The following DNAH11 variants were observed in gnomAD, a reference collection of about 807,000 sequenced individuals.
DNAH11 encodes the protein dynein axonemal heavy chain 11.
Under a neutral mutation model 526.0 loss-of-function variants are expected in DNAH11, and 442 were observed. The observed-to-expected ratio is 0.84, with a 90% confidence interval of 0.78 to 0.91. The LOEUF (loss-of-function observed/expected upper bound fraction) is 0.91, where lower values mean the gene tolerates loss of function less well. DNAH11 is among the 40% of genes least tolerant of loss of function. DNAH11 has a pLI of 0.00. For missense variants in DNAH11, 6,989 were observed against 5,448.7 expected, an observed-to-expected ratio of 1.28 and a Z score of -8.90; for synonymous variants, 2,461 against 1,935.9, an observed-to-expected ratio of 1.27 and a Z score of -7.12.
chr7:21,893,181 T>C (rs1784388650), intron 77 of DNAH11, among the ~76,000 whole-genome samples: 1 of 152,228 alleles, frequency 6.6e-6, no homozygotes, highest in Non-Finnish European at 1.5e-5. Context: ...CATCCATTCA[T>C]ACTACCCATT....
intron 37 of DNAH11, among the ~76,000 whole-genome samples, chr7:21,703,073 T>C (rs1352737591): frequency 6.6e-6 from 1 of 152,242 alleles, no homozygotes; most frequent in Non-Finnish European, 1.5e-5. Flanking sequence ...AATCAAATAA[T>C]TCAGTAATCA....
intron 8 of DNAH11, among the ~76,000 whole-genome samples, chr7:21,574,711 A>C (rs1383274114): frequency 1.4e-5 from 2 of 147,606 alleles, no homozygotes; most frequent in Non-Finnish European, 3.0e-5. Flanking sequence ...TTACAGGGGC[A>C]CACCACCACG....
intron 54 of DNAH11, among the ~76,000 whole-genome samples, chr7:21,761,599 C>A (rs1786916513): frequency 6.6e-6 from 1 of 152,122 alleles, no homozygotes; most frequent in Non-Finnish European, 1.5e-5. Flanking sequence ...TGAGTCCCAC[C>A]TCCAGAGTTT....
intron 54 of DNAH11, among the ~76,000 whole-genome samples, chr7:21,757,735 G>A (rs1786700497): frequency 6.6e-6 from 1 of 152,166 alleles, no homozygotes; most frequent in Admixed American, 6.5e-5. Flanking sequence ...ACAGCGTCAT[G>A]TGCAGGGACC....
intron 14 of DNAH11, among the ~76,000 whole-genome samples, chr7:21,591,794 G>A (rs1404895783): frequency 6.6e-6 from 1 of 152,170 alleles, no homozygotes; most frequent in African/African-American, 2.4e-5. Flanking sequence ...ATTAGAATGT[G>A]AGATGTGTTG....
At chr7:21,797,726 G>C (rs1026367777) in intron 61 of DNAH11, among the ~76,000 whole-genome samples, 9 of 152,168 alleles carry the variant, frequency 5.9e-5, no homozygotes, top group African/African-American at 2.2e-4. Flanking sequence ...TACCAGGTTA[G>C]TACTTATTCC....
At chr7:21,885,171 T>TAAAAA (rs778429337) in intron 76 of DNAH11, among the ~76,000 whole-genome samples, 2 of 114,588 alleles carry the variant, frequency 1.7e-5, no homozygotes, top group Non-Finnish European at 3.3e-5. Flanking sequence ...AAATGAACTA[T>TAAAAA]AAAAAAAAAA....
intron 65 of DNAH11, among the ~76,000 whole-genome samples, chr7:21,839,877 G>A (rs1230463104): frequency 6.6e-6 from 1 of 152,180 alleles, no homozygotes; most frequent in African/African-American, 2.4e-5. Context: ...AGAATTAGAT[G>A]AAGACAATAG....
intron 22 of DNAH11, 42 bp downstream of exon 22, chr7:21,616,334 A>C: frequency 1.3e-6 from 2 of 1,482,112 alleles, no homozygotes; most frequent in Non-Finnish European, 1.9e-6. Context: ...TATCTTTCTC[A>C]GCACCACCTC....
chr7:21,597,210 C>A lies in DNAH11; in HGVS notation c.2668-2577C>A, dbSNP rs569197335. ...CCTTTATCCGAATGTGCTGAAGATA[C>A]AGCATTTCTCATCAATGTGACTGTA... On this transcript the variant is annotated intron_variant, in intron 14 of 81. Coordinates refer to ENST00000409508, the MANE Select transcript of DNAH11 (RefSeq NM_001277115.2). 5.3e-5 allele frequency among the ~76,000 whole-genome samples: 8 copies of A among 152,174 alleles called. No individual in the cohort carries two copies. In the East Asian group the frequency reaches 9.7e-4, roughly 18 times the overall value.
At position 21,631,646 on chromosome 7, in the gene DNAH11, CTCCATGTTTCACA is replaced by C. The variant is rs539041638; in HGVS notation, c.4501-4220_4501-4208del. On this transcript the variant is annotated intron_variant, in intron 25 of 81. Coordinates refer to ENST00000409508, the MANE Select transcript of DNAH11 (RefSeq NM_001277115.2). ...AAAGCTCCAGAATGATCTTCTTTGA[CTCCATGTTTCACA>C]TCCAGGTCACGCTGATGCAAGAGGT... Among the ~76,000 whole-genome samples the C allele has an allele frequency of 4.1e-3, 624 of 152,346 alleles. 13 individuals are homozygous for C. The highest frequency in any genetic ancestry group is 0.031 in the Admixed American group (481 of 15,300).
At chr7:21,866,319 GCA>G in intron 70 of DNAH11, 149 bp from the exon 71 acceptor site, 2 of 417,964 alleles carry the variant, frequency 4.8e-6, no homozygotes, top group Non-Finnish European at 7.6e-6. Context: ...TCTCAGCAGA[GCA>G]AAAAAAAAAA....
In DNAH11 at chr7:21,564,197, G is replaced by A; in HGVS notation, c.994G>A (p.Ala332Thr). The A allele has an allele frequency of 6.3e-7, 1 of 1,576,212 alleles. No homozygotes were observed. Among genetic ancestry groups the A allele is most frequent in the South Asian group, 1.2e-5 (1 of 82,942 alleles). The change falls in exon 6 of 82, where the codon GCC (alanine) becomes ACC (threonine). Residue 332 changes from alanine to threonine, a missense_variant. Coordinates refer to ENST00000409508, the MANE Select transcript of DNAH11 (RefSeq NM_001277115.2). ...TTCTTTGCTTTCAGCTCTTCTCGAAGCCCAAGATGTGGAACTTTACCTGAG... is the reference window on the plus strand; with the variant it reads ...TTCTTTGCTTTCAGCTCTTCTCGAAACCCAAGATGTGGAACTTTACCTGAG... ...FLAVENALLE[A>T]QDVELYLRPL...
Position 21,787,576 on chromosome 7 carries a change from T to G in DNAH11, c.9917T>G (p.Phe3306Cys), listed in dbSNP as rs1224736335. The G allele has an allele frequency of 1.6e-5, 26 of 1,608,982 alleles. No homozygotes were observed. Among genetic ancestry groups the G allele is most frequent in the Non-Finnish European group, 2.0e-5 (23 of 1,177,662 alleles). Residue 3306 changes from phenylalanine to cysteine, a missense_variant, in exon 60 of 82, where the codon TTC becomes TGC. Physicochemically the swap from Phe to Cys is radical, Grantham distance 205 (BLOSUM62 -2). Coordinates refer to ENST00000409508, the MANE Select transcript of DNAH11 (RefSeq NM_001277115.2). ...LCAWVINIIK[F>C]YEVYCDVEPK... ...GCCTGGGTCATCAACATCATTAAAT[T>G]CTATGAGGTATCAATCCTAAATTGA...
chr7:21,743,511 G>T (rs973230595), intron 49 of DNAH11, among the ~76,000 whole-genome samples: 6 of 152,068 alleles, frequency 3.9e-5, no homozygotes, highest in African/African-American at 1.4e-4. Flanking sequence ...GACAGAGGTG[G>T]TATATTGATG....
At chr7:21,807,632 G>A (rs1377384198) in intron 62 of DNAH11, among the ~76,000 whole-genome samples, 3 of 152,178 alleles carry the variant, frequency 2.0e-5, no homozygotes, top group Non-Finnish European at 2.9e-5. Flanking sequence ...GGGATGTCCA[G>A]TGAGAAGAGA....
chr7:21,663,494 T>G lies in DNAH11; in HGVS notation c.5328+4463T>G, dbSNP rs1479275786. Among the ~76,000 whole-genome samples the G allele has an allele frequency of 2.0e-5, 3 of 152,272 alleles. No individual in the cohort carries two copies. The East Asian group carries it at 5.8e-4, about 29-fold the overall frequency. On this transcript the variant is annotated intron_variant, in intron 30 of 81. Coordinates refer to ENST00000409508, the MANE Select transcript of DNAH11 (RefSeq NM_001277115.2). Reference sequence around the variant, plus strand: ...GCATCTTCACCAACATCTGTGTTGTTGTTGGTCTTTTTAATAGCCATTCTG... The same window carrying G: ...GCATCTTCACCAACATCTGTGTTGTGGTTGGTCTTTTTAATAGCCATTCTG...
At chr7:21,732,295 A>C (rs1208356207) in intron 45 of DNAH11, among the ~76,000 whole-genome samples, 1 of 152,060 alleles carries the variant, frequency 6.6e-6, no homozygotes, top group Non-Finnish European at 1.5e-5. Flanking sequence ...TGTATCCCTG[A>C]TATCTCCCTG....
intron 7 of DNAH11, among the ~76,000 whole-genome samples, chr7:21,571,140 T>C (rs1783870500): frequency 6.6e-6 from 1 of 152,206 alleles, no homozygotes; most frequent in African/African-American, 2.4e-5. Flanking sequence ...TAAAGCAGAC[T>C]CACTGCCGGG....
Sources: allele counts gnomAD v4.1 joint callset (sites outside exome capture counted in the v4.1 genomes callset), GRCh38; gene constraint gnomAD v4.1.1; transcripts MANE v1.5; gene names NCBI Gene and HGNC (gene_info 2026-07-23, HGNC 2026-07-21).